The following MYO3B variants were observed in gnomAD, a reference collection of about 807,000 sequenced individuals.
MYO3B encodes myosin IIIB.
MYO3B carries 156 observed loss-of-function variants against 174.6 expected under a neutral mutation model. That is an observed-to-expected ratio of 0.89 (90% CI 0.78 to 1.02). The LOEUF (loss-of-function observed/expected upper bound fraction) is 1.02. Among genes scored for constraint, MYO3B ranks in the 50% least tolerant of loss-of-function variants. The pLI, the probability that MYO3B is intolerant of heterozygous loss-of-function variation, is 0.00. For missense variants in MYO3B, 1,632 were observed against 1,639.4 expected, an observed-to-expected ratio of 1.00 and a Z score of 0.08; for synonymous variants, 563 against 569.1, an observed-to-expected ratio of 0.99 and a Z score of 0.15.
intron 8 of MYO3B, among the ~76,000 whole-genome samples, chr2:170,358,478 G>T (rs112767173): frequency 7.0e-4 from 107 of 152,244 alleles, no homozygotes; most frequent in Middle Eastern, 3.4e-3. Flanking sequence ...TCTTTTTGGG[G>T]TGATGAAAAT....
At chr2:170,598,926 C>T (rs769415706) in intron 32 of MYO3B, among the ~76,000 whole-genome samples, 19 of 152,292 alleles carry the variant, frequency 1.2e-4, no homozygotes, top group African/African-American at 2.2e-4. Context: ...ATTCTAATTA[C>T]AATTATTATT....
intron 32 of MYO3B, among the ~76,000 whole-genome samples, chr2:170,552,155 A>G (rs1222044513): frequency 1.3e-5 from 2 of 152,262 alleles, no homozygotes; most frequent in Non-Finnish European, 2.9e-5. Flanking sequence ...GGGTATTGCT[A>G]TAAAGGTATT....
At chr2:170,593,271 T>A (rs1034985242) in intron 32 of MYO3B, among the ~76,000 whole-genome samples, 18 of 152,158 alleles carry the variant, frequency 1.2e-4, no homozygotes, top group Non-Finnish European at 2.2e-4. Flanking sequence ...CTAATTTTTT[T>A]AAATTATTTT....
intron 32 of MYO3B, among the ~76,000 whole-genome samples, chr2:170,552,387 G>A (rs548083182): frequency 2.0e-4 from 30 of 152,286 alleles, no homozygotes; most frequent in Non-Finnish European, 3.1e-4. Flanking sequence ...GGGAGCTGCA[G>A]TAAAGGTCAC....
rs368279093 is a variant in MYO3B at position 170,653,004 on chromosome 2, G to A, written c.3909G>A (p.Gly1303=). ...GCAGCCAAATCAAAGTACTTGATGG[G>A]GAAGATGAATATTACAAATCTCTGT... ...RKLGQIKVLD[G]EDEYYKSLSP... Residue 1303 remains glycine (G), a synonymous_variant, in exon 35 of 35, where the codon GGG becomes GGA. Coordinates refer to ENST00000408978, the MANE Select transcript of MYO3B (RefSeq NM_138995.5). The A allele has an allele frequency of 6.4e-5, 103 of 1,614,014 alleles. No homozygotes were observed. The highest frequency in any genetic ancestry group is 8.6e-5 in the Non-Finnish European group (101 of 1,180,014).
intron 7 of MYO3B, among the ~76,000 whole-genome samples, chr2:170,301,719 GT>G (rs1220946723): frequency 6.6e-6 from 1 of 152,058 alleles, no homozygotes; most frequent in Non-Finnish European, 1.5e-5. Flanking sequence ...ATGAGAAATT[GT>G]TTCCTGATTG....
chr2:170,635,362 A>G (rs1283201677), intron 32 of MYO3B, among the ~76,000 whole-genome samples: 4 of 152,166 alleles, frequency 2.6e-5, no homozygotes, highest in African/African-American at 9.7e-5. Context: ...TATCTCAAGG[A>G]CAGAAAACCA....
chr2:170,375,682 C>A (rs1476805371), intron 9 of MYO3B, among the ~76,000 whole-genome samples: 1 of 150,794 alleles, frequency 6.6e-6, no homozygotes, highest in African/African-American at 2.4e-5. Flanking sequence ...AATCCTTGCT[C>A]ACTCTCTCCC....
intron 32 of MYO3B, among the ~76,000 whole-genome samples, chr2:170,614,117 A>G (rs1049174328): frequency 6.6e-6 from 1 of 152,104 alleles, no homozygotes; most frequent in African/African-American, 2.4e-5. Flanking sequence ...CCTAGGGTGT[A>G]GTAGAAGCAA....
intron 25 of MYO3B, among the ~76,000 whole-genome samples, chr2:170,489,672 G>GTGT (rs1559050464): frequency 2.1e-4 from 19 of 89,214 alleles, no homozygotes; most frequent in South Asian, 7.7e-4. Flanking sequence ...TGTGTGTCTG[G>GTGT]GTAAGTGTGG....
At chr2:170,623,055 C>A (rs1227401505) in intron 32 of MYO3B, among the ~76,000 whole-genome samples, 2 of 152,076 alleles carry the variant, frequency 1.3e-5, no homozygotes, top group African/African-American at 4.8e-5. Flanking sequence ...GTCTTTATAG[C>A]AGTATGATTT....
chr2:170,358,053 G>A (rs941256425), intron 8 of MYO3B, among the ~76,000 whole-genome samples: 1 of 151,958 alleles, frequency 6.6e-6, no homozygotes, highest in Non-Finnish European at 1.5e-5. Flanking sequence ...TCCGGAGGCT[G>A]AGGCAGGAGA....
chr2:170,397,483 G>A (rs907553321), intron 16 of MYO3B, among the ~76,000 whole-genome samples: 8 of 151,998 alleles, frequency 5.3e-5, no homozygotes, highest in African/African-American at 1.7e-4. Context: ...TATATATTTC[G>A]TTGTTTCACG....
intron 25 of MYO3B, among the ~76,000 whole-genome samples, chr2:170,472,427 G>A (rs183749461): frequency 1.1e-4 from 17 of 152,190 alleles, no homozygotes; most frequent in African/African-American, 2.9e-4. Context: ...AGGCTATGTC[G>A]ACTAAATCTG....
At chr2:170,228,068 C>A (rs971648333) in intron 6 of MYO3B, among the ~76,000 whole-genome samples, 2 of 152,122 alleles carry the variant, frequency 1.3e-5, no homozygotes, top group Non-Finnish European at 2.9e-5. Flanking sequence ...AAGTGAGAGG[C>A]GGCAGGAAAT....
chr2:170,261,180 C>T lies in MYO3B; in HGVS notation c.749+25044C>T, dbSNP rs578010598. On this transcript the variant is annotated intron_variant, in intron 7 of 34. Coordinates refer to ENST00000408978, the MANE Select transcript of MYO3B (RefSeq NM_138995.5). ...CTGGGATTACAGGCATGCACCACCACGCCCAGCTAATTTTGTATTTTTTAG... is the reference window on the plus strand; with the variant it reads ...CTGGGATTACAGGCATGCACCACCATGCCCAGCTAATTTTGTATTTTTTAG... Among the ~76,000 whole-genome samples the T allele has an allele frequency of 1.2e-3, 188 of 152,222 alleles. 2 individuals carry two copies. In the South Asian group the frequency reaches 0.021, roughly 17 times the overall value.
chr2:170,359,256 T>C (rs532452547), intron 8 of MYO3B, among the ~76,000 whole-genome samples: 7 of 152,194 alleles, frequency 4.6e-5, no homozygotes, highest in African/African-American at 7.2e-5. Context: ...TAAATTTAAG[T>C]TTGCCTAAGA....
chr2:170,560,690 C>A (rs80119249), intron 32 of MYO3B, among the ~76,000 whole-genome samples: 29 of 152,240 alleles, frequency 1.9e-4, no homozygotes, highest in Non-Finnish European at 3.1e-4. Flanking sequence ...TCAAAGGAGC[C>A]GTTTTTATGC....
At chr2:170,382,216 T>A in intron 10 of MYO3B, 104 bp downstream of exon 10, 1 of 921,512 alleles carries the variant, frequency 1.1e-6, no homozygotes, top group Non-Finnish European at 1.7e-6. Flanking sequence ...ATTTGAAAAT[T>A]TAATTGTTTG....
Sources: gnomAD v4.1 joint callset for allele counts (sites outside exome capture counted in the v4.1 genomes callset) on GRCh38, gnomAD v4.1.1 for gene constraint, MANE v1.5 for transcripts, NCBI Gene and HGNC (gene_info 2026-07-23, HGNC 2026-07-21) for gene names.